The following DAZL variants were observed in gnomAD, a reference collection of about 807,000 sequenced individuals.
The protein encoded by DAZL is deleted in azoospermia-like.
DAZL carries 4 observed loss-of-function variants against 45.0 expected under a neutral mutation model. The observed-to-expected ratio is 0.09, with a 90% CI of 0.04 to 0.20. The LOEUF is 0.20. Among genes scored for constraint, DAZL ranks in the 10% least tolerant of loss-of-function variants. The pLI is 1.00. For synonymous variants in DAZL, 122 were observed against 112.4 expected (o/e 1.09, Z -0.54); for missense variants, 326 against 351.3 (o/e 0.93, Z 0.58).
intron 1 of DAZL, among the ~76,000 whole-genome samples, chr3:16,599,091 G>A (rs931593858): frequency 1.3e-5 from 2 of 152,048 alleles, no homozygotes; most frequent in South Asian, 2.1e-4. Context: ...CCAGGATACA[G>A]TACTTTCTTA....
chr3:16,590,578 T>C (rs1390747603), intron 10 of DAZL, among the ~76,000 whole-genome samples: 1 of 152,212 alleles, frequency 6.6e-6, no homozygotes, highest in African/African-American at 2.4e-5. Context: ...TAATAACTTG[T>C]ACATGAATGT....
chr3:16,589,830 A>C (rs569342507), intron 10 of DAZL, among the ~76,000 whole-genome samples: 1 of 151,860 alleles, frequency 6.6e-6, no homozygotes, highest in East Asian at 1.9e-4. Flanking sequence ...TGGGAGGCTG[A>C]GGTAGGAGGA....
chr3:16,597,140 C>T (rs1321927901), intron 4 of DAZL, 89 bp from the exon 5 acceptor site: 11 of 1,401,788 alleles, frequency 7.8e-6, no homozygotes, highest in Non-Finnish European at 9.0e-6. Flanking sequence ...TCTAAAATTC[C>T]TATTATCATA....
intron 8 of DAZL, among the ~76,000 whole-genome samples, chr3:16,593,993 G>C (rs1424495724): frequency 6.6e-6 from 1 of 152,128 alleles, no homozygotes; most frequent in Non-Finnish European, 1.5e-5. Flanking sequence ...AGAAGTAGAA[G>C]AACTCTAAGA....
intron 1 of DAZL, among the ~76,000 whole-genome samples, chr3:16,600,256 T>C (rs1007724017): frequency 6.6e-6 from 1 of 152,200 alleles, no homozygotes; most frequent in Non-Finnish European, 1.5e-5. Flanking sequence ...AGTAATTTTA[T>C]AGGAATTAAT....
chr3:16,601,227 CA>C (rs767674824), intron 1 of DAZL, among the ~76,000 whole-genome samples: 15 of 152,148 alleles, frequency 9.9e-5, no homozygotes, highest in Admixed American at 4.6e-4. Context: ...ATACCCTATA[CA>C]AGAGTAAAAC....
intron 4 of DAZL, 76 bp downstream of exon 4, chr3:16,597,414 A>G: frequency 9.9e-7 from 1 of 1,005,146 alleles, no homozygotes; most frequent in Non-Finnish European, 1.6e-6. Context: ...CAAATTTTAC[A>G]CAAGACTGAG....
chr3:16,598,218 A>G (rs1490067619), intron 2 of DAZL, 40 bp from the exon 3 acceptor site: 2 of 1,530,854 alleles, frequency 1.3e-6, no homozygotes, highest in African/African-American at 2.7e-5. Context: ...AAAATTCAGC[A>G]TTCAAAAATT....
Position 16,593,728 on chromosome 3 carries a change from G to C in DAZL, c.662C>G (p.Pro221Arg). Residue 221 changes from proline (P) to arginine (R), a missense_variant, in exon 9 of 11, where the codon CCA becomes CGA. Pro to Arg is a moderately radical substitution (Grantham distance 103). Transcript: ENST00000399444. Reference protein sequence around the residue: ...AVNYHCNEVDPGAEVVPNECS... With the variant: ...AVNYHCNEVDRGAEVVPNECS... Reference sequence around the variant, plus strand: ...TTCATTTGGCACAACTTCAGCTCCTGGATCAACTTCATTACAGTGGTAGTT... The same window carrying C: ...TTCATTTGGCACAACTTCAGCTCCTCGATCAACTTCATTACAGTGGTAGTT... 6.2e-7 allele frequency: 1 copy of C among 1,612,520 alleles called. No individual in the cohort carries two copies. Among genetic ancestry groups the C allele is most frequent in the Non-Finnish European group, 8.5e-7 (1 of 1,179,074 alleles).
rs73142519 is a variant in DAZL, at chr3:16,594,301, T to C, written c.621+232A>G. Among the ~76,000 whole-genome samples the C allele has an allele frequency of 8.0e-3, 1,219 of 152,256 alleles. 10 individuals carry two copies. Among genetic ancestry groups the C allele is most frequent in the African/African-American group, 0.027 (1,131 of 41,544 alleles). The stretch of plus-strand genomic sequence containing the variant: ...ACAAGTAACTGAACACTTATCATTA[T>C]GTGGACCAGCCATTGCTTAAGCACA... On this transcript the variant is annotated intron_variant, in intron 8 of 10. Transcript: ENST00000399444.
chr3:16,598,681 G>A, intron 1 of DAZL, 83 bp from the exon 2 acceptor site: 1 of 1,355,882 alleles, frequency 7.4e-7, no homozygotes, highest in Non-Finnish European at 9.7e-7. Context: ...TGTATTTTAA[G>A]TATAAAATAT....
chr3:16,595,540 A>C (rs1394755019), intron 6 of DAZL, among the ~76,000 whole-genome samples, 155 bp from the exon 7 acceptor site: 3 of 152,078 alleles, frequency 2.0e-5, no homozygotes, highest in Non-Finnish European at 4.4e-5. Flanking sequence ...TTTATGAAGA[A>C]AGAAATATTC....
At chr3:16,596,669 A>G in intron 6 of DAZL, 81 bp downstream of exon 6, 1 of 1,461,136 alleles carries the variant, frequency 6.8e-7, no homozygotes, top group Non-Finnish European at 9.6e-7. Context: ...ATTACCACTT[A>G]CTACAGAAAT....
At chr3:16,598,281 C>A in intron 2 of DAZL, 103 bp from the exon 3 acceptor site, 2 of 1,401,286 alleles carry the variant, frequency 1.4e-6, no homozygotes, top group Non-Finnish European at 2.0e-6. Context: ...CCCCATTTAT[C>A]CCCAAATGAC....
intron 1 of DAZL, chr3:16,604,686 C>T (rs2125050175): frequency 1.5e-6 from 2 of 1,358,332 alleles, no homozygotes; most frequent in South Asian, 2.1e-5. Flanking sequence ...CTCCGGCCCT[C>T]GAAGTTTAAG....
chr3:16,599,180 T>C (rs1036396050), intron 1 of DAZL, among the ~76,000 whole-genome samples: 1 of 147,804 alleles, frequency 6.8e-6, no homozygotes, highest in African/African-American at 2.4e-5. Flanking sequence ...CTATGTGAAT[T>C]ACTTAAAAAA....
intron 3 of DAZL, 66 bp downstream of exon 3, chr3:16,598,021 T>G: frequency 7.3e-7 from 1 of 1,370,370 alleles, no homozygotes. Context: ...AGAATACCAA[T>G]TTTGAAGTCT....
At chr3:16,591,057 C>G (rs1694510440) in intron 10 of DAZL, among the ~76,000 whole-genome samples, 2 of 152,114 alleles carry the variant, frequency 1.3e-5, no homozygotes, top group Non-Finnish European at 1.5e-5. Flanking sequence ...TTAAAAAACA[C>G]CTTCCCTTTA....
intron 4 of DAZL, among the ~76,000 whole-genome samples, 178 bp from the exon 5 acceptor site, chr3:16,597,229 CAA>C (rs1462284064): frequency 6.6e-6 from 1 of 152,132 alleles, no homozygotes; most frequent in Non-Finnish European, 1.5e-5. Context: ...TAATCAGTGT[CAA>C]GAGGCATCAA....
Sources: gnomAD v4.1 joint callset for allele counts (sites outside exome capture counted in the v4.1 genomes callset) on GRCh38, gnomAD v4.1.1 for gene constraint, MANE v1.5 for transcripts, NCBI Gene and HGNC (gene_info 2026-07-23, HGNC 2026-07-21) for gene names.